Variants in FAM117B observed in about 807,000 individuals in gnomAD.
FAM117B encodes protein FAM117B.
Under a neutral mutation model 52.8 loss-of-function variants are expected in FAM117B, and 22 were observed. The observed-to-expected ratio is 0.42, with a 90% CI of 0.30 to 0.59. The LOEUF (loss-of-function observed/expected upper bound fraction) is 0.59. Ranked by LOEUF, FAM117B falls within the 20% of genes least tolerant of loss-of-function variation. The pLI is 0.22. For synonymous variants in FAM117B, 309 were observed against 324.1 expected (o/e 0.95, Z 0.50); for missense variants, 678 against 802.6 (o/e 0.84, Z 1.88).
chr2:202,730,682 G>T (rs1243158605), intron 4 of FAM117B, among the ~76,000 whole-genome samples: 1 of 151,666 alleles, frequency 6.6e-6, no homozygotes, highest in East Asian at 1.9e-4. Flanking sequence ...AACAAACAAT[G>T]AAAAAATAAA....
chr2:202,716,529 T>C (rs1691059601), intron 2 of FAM117B, among the ~76,000 whole-genome samples: 1 of 152,092 alleles, frequency 6.6e-6, no homozygotes, highest in Non-Finnish European at 1.5e-5. Context: ...TTGCTTTTTA[T>C]TTTTAGTGTA....
chr2:202,674,313 C>T (rs746232158), intron 1 of FAM117B, among the ~76,000 whole-genome samples: 6 of 152,170 alleles, frequency 3.9e-5, no homozygotes, highest in Non-Finnish European at 7.3e-5. Flanking sequence ...CACATAATAA[C>T]GCTAGTTACT....
chr2:202,746,020 T>G (rs1234462550), intron 4 of FAM117B, among the ~76,000 whole-genome samples: 1 of 152,176 alleles, frequency 6.6e-6, no homozygotes, highest in Non-Finnish European at 1.5e-5. Context: ...AAGACCTCAC[T>G]TTCAGCATCA....
chr2:202,715,066 T>G (rs575995877), intron 2 of FAM117B, among the ~76,000 whole-genome samples: 1 of 152,104 alleles, frequency 6.6e-6, no homozygotes, highest in African/African-American at 2.4e-5. Flanking sequence ...CCAGACGGGG[T>G]GGTGGCGGGG....
chr2:202,696,045 T>C lies in FAM117B; in HGVS notation c.753+13T>C. On this transcript the variant is annotated intron_variant, in intron 2 of 7. Transcript: ENST00000392238. ...CAAAGCTACACAGGTAAGCTTATTATAGTTCTTATCCTGAAGTGTTTTTCT... is the reference window on the plus strand; with the variant it reads ...CAAAGCTACACAGGTAAGCTTATTACAGTTCTTATCCTGAAGTGTTTTTCT... 2.5e-6 allele frequency: 4 copies of C among 1,611,916 alleles called. No homozygotes were observed. The highest frequency in any genetic ancestry group is 3.4e-6 in the Non-Finnish European group (4 of 1,179,288).
chr2:202,703,073 A>T (rs1280871839), intron 2 of FAM117B, among the ~76,000 whole-genome samples: 2 of 152,194 alleles, frequency 1.3e-5, no homozygotes, highest in Non-Finnish European at 2.9e-5. Context: ...TATATAATTT[A>T]GTGGCATTAA....
chr2:202,737,562 T>A (rs1273712568), intron 4 of FAM117B, among the ~76,000 whole-genome samples: 1 of 152,192 alleles, frequency 6.6e-6, no homozygotes, highest in East Asian at 1.9e-4. Flanking sequence ...TCAACGATAG[T>A]GCCCTTGCAT....
intron 4 of FAM117B, among the ~76,000 whole-genome samples, chr2:202,749,758 A>C (rs1257356816): frequency 6.6e-6 from 1 of 151,946 alleles, no homozygotes; most frequent in Non-Finnish European, 1.5e-5. Flanking sequence ...GTGAGACCCT[A>C]TCTCTAATTA....
chr2:202,720,400 CGTGTGTGTGTGTGTGT>C (rs547237672), intron 2 of FAM117B, among the ~76,000 whole-genome samples: 1 of 136,774 alleles, frequency 7.3e-6, no homozygotes, highest in African/African-American at 2.7e-5. Context: ...CTTTACCTGT[CGTGTGTGTGTGTGTGT>C]GTGTGTGTGT....
intron 1 of FAM117B, among the ~76,000 whole-genome samples, chr2:202,655,704 G>A (rs1690041397): frequency 8.4e-6 from 1 of 119,120 alleles, no homozygotes; most frequent in Admixed American, 9.7e-5. Context: ...TGCGGGAAGA[G>A]AGTGAGAGAG....
intron 1 of FAM117B, among the ~76,000 whole-genome samples, chr2:202,642,364 T>TATATAA (rs1356064400): frequency 2.3e-4 from 34 of 148,386 alleles, no homozygotes; most frequent in Admixed American, 8.8e-4. Context: ...TATATATATA[T>TATATAA]AAAATGAGTA....
chr2:202,657,634 G>T (rs770913540), intron 1 of FAM117B, among the ~76,000 whole-genome samples: 2 of 152,072 alleles, frequency 1.3e-5, no homozygotes, highest in East Asian at 1.9e-4. Context: ...GACTATAGGC[G>T]CATGCCACCT....
chr2:202,709,465 G>C (rs1690927264), intron 2 of FAM117B, among the ~76,000 whole-genome samples: 1 of 152,144 alleles, frequency 6.6e-6, no homozygotes, highest in Non-Finnish European at 1.5e-5. Flanking sequence ...GCCTCCCAAA[G>C]TACTGGGATT....
At chr2:202,637,336 C>T (rs1057430666) in intron 1 of FAM117B, among the ~76,000 whole-genome samples, 1 of 152,080 alleles carries the variant, frequency 6.6e-6, no homozygotes, top group African/African-American at 2.4e-5. Flanking sequence ...CGGCTCACTG[C>T]AACCATGGTC....
intron 2 of FAM117B, among the ~76,000 whole-genome samples, chr2:202,696,946 GT>G (rs1690720533): frequency 6.6e-6 from 1 of 152,152 alleles, no homozygotes; most frequent in African/African-American, 2.4e-5. Flanking sequence ...GTGCACACTT[GT>G]AGTACCAGCT....
chr2:202,677,920 A>G (rs1690402687), intron 1 of FAM117B, among the ~76,000 whole-genome samples: 1 of 152,220 alleles, frequency 6.6e-6, no homozygotes, highest in Non-Finnish European at 1.5e-5. Context: ...TGTTGTGTTT[A>G]GCTGTTTTTC....
chr2:202,660,481 C>T (rs527515427), intron 1 of FAM117B, among the ~76,000 whole-genome samples: 3 of 152,092 alleles, frequency 2.0e-5, no homozygotes, highest in South Asian at 2.1e-4. Flanking sequence ...GAGTGGTGGT[C>T]GGTATCTATA....
intron 1 of FAM117B, among the ~76,000 whole-genome samples, chr2:202,657,746 A>G (rs1354216950): frequency 6.6e-6 from 1 of 152,030 alleles, no homozygotes; most frequent in Non-Finnish European, 1.5e-5. Flanking sequence ...GGCCTCTCAA[A>G]GTACTGGGAT....
At chr2:202,727,035 C>T (rs1037055888) in intron 4 of FAM117B, among the ~76,000 whole-genome samples, 4 of 151,706 alleles carry the variant, frequency 2.6e-5, no homozygotes, top group African/African-American at 4.8e-5. Flanking sequence ...ATGAACTGCT[C>T]TTGATGGCTC....
Sources: allele counts gnomAD v4.1 joint callset (sites outside exome capture counted in the v4.1 genomes callset), GRCh38; gene constraint gnomAD v4.1.1; transcripts MANE v1.5; gene names NCBI Gene and HGNC (gene_info 2026-07-23, HGNC 2026-07-21).